EFEMP1: variants seen among roughly 807,000 people sequenced by gnomAD.
EFEMP1 encodes EGF-containing fibulin-like extracellular matrix protein 1.
Under a neutral mutation model 65.7 loss-of-function variants are expected in EFEMP1, and 18 were observed. The ratio of observed to expected loss-of-function variants is 0.27; its 90% CI spans 0.19 to 0.41. The LOEUF (loss-of-function observed/expected upper bound fraction) is 0.41. Among genes scored for constraint, EFEMP1 ranks in the 10% least tolerant of loss-of-function variants. The pLI is 1.00. For synonymous variants in EFEMP1, 237 were observed against 219.7 expected, an observed-to-expected ratio of 1.08 and a Z score of -0.70; for missense variants, 469 against 624.8, an observed-to-expected ratio of 0.75 and a Z score of 2.66.
At chr2:55,892,151 C>T (rs1669649003) in intron 5 of EFEMP1, among the ~76,000 whole-genome samples, 1 of 152,064 alleles carries the variant, frequency 6.6e-6, no homozygotes, top group Non-Finnish European at 1.5e-5. Context: ...AAAGGCTTCT[C>T]AAAGCTAGCA....
chr2:55,869,389 A>AT (rs1354174852), intron 11 of EFEMP1, among the ~76,000 whole-genome samples: 1 of 152,186 alleles, frequency 6.6e-6, no homozygotes, highest in African/African-American at 2.4e-5. Context: ...TTTCTTACAA[A>AT]TATCAAGAAT....
chr2:55,895,825 A>G (rs554028279), intron 5 of EFEMP1, among the ~76,000 whole-genome samples: 47 of 151,990 alleles, frequency 3.1e-4, no homozygotes, highest in South Asian at 1.5e-3. Context: ...ACAGGCGTGA[A>G]CCACCGCGCC....
chr2:55,876,837 C>T (rs1355145060), intron 7 of EFEMP1, 95 bp from the exon 8 acceptor site: 3 of 698,972 alleles, frequency 4.3e-6, no homozygotes, highest in Admixed American at 7.5e-5. Context: ...TCTTTTGTAC[C>T]TACGTCATCT....
chr2:55,911,652 T>G (rs1392621497), intron 5 of EFEMP1, among the ~76,000 whole-genome samples: 1 of 152,240 alleles, frequency 6.6e-6, no homozygotes, highest in East Asian at 1.9e-4. Flanking sequence ...GCATTTCTAA[T>G]AAGTTACCTG....
intron 5 of EFEMP1, among the ~76,000 whole-genome samples, chr2:55,893,731 T>C (rs1049454065): frequency 1.4e-4 from 21 of 152,296 alleles, no homozygotes; most frequent in African/African-American, 4.6e-4. Flanking sequence ...TATATACAGA[T>C]GGAAGGAAGC....
intron 6 of EFEMP1, 26 bp downstream of exon 6, chr2:55,881,586 C>T (rs369775870): frequency 1.7e-5 from 28 of 1,612,548 alleles, no homozygotes; most frequent in Non-Finnish European, 2.2e-5. Context: ...AAGACAGGAC[C>T]GTGCTCACTG....
rs1669397922 is a variant in EFEMP1 at position 55,885,695 on chromosome 2, T to G, written c.518-3961A>C. The stretch of plus-strand genomic sequence containing the variant: ...GTTAGTTGCTTTAAATAACACAGGC[T>G]AATCTTTGCTCAGCTCTTCTAGCCT... On this transcript the variant is annotated intron_variant, in intron 5 of 11. Transcript: ENST00000355426. This position sits in a 1 kb window ranked among gnomAD's most constrained non-coding sequence, Gnocchi z 4.3. 6.6e-6 allele frequency among the ~76,000 whole-genome samples: 1 copy of G among 152,154 alleles called. No homozygotes were observed. Among genetic ancestry groups the G allele is most frequent in the Non-Finnish European group, 1.5e-5 (1 of 68,028 alleles).
chr2:55,900,529 A>G (rs190875050), intron 5 of EFEMP1, among the ~76,000 whole-genome samples: 53 of 152,362 alleles, frequency 3.5e-4, no homozygotes, highest in Admixed American at 1.2e-3. Context: ...ACTGTGCTCC[A>G]TACAGAGCTG....
In EFEMP1 at chr2:55,888,203, A is replaced by T. The variant is rs188398784; in HGVS notation, c.518-6469T>A. Among the ~76,000 whole-genome samples, 208 of 152,330 alleles carry T rather than the reference A, an allele frequency of 1.4e-3. 1 individual carries two copies. Among genetic ancestry groups the T allele is most frequent in the African/African-American group, 4.2e-3 (173 of 41,568 alleles). On this transcript the variant is annotated intron_variant, in intron 5 of 11. Transcript: ENST00000355426. ...CTGTTTTTGCCCACTGGCAACATGA[A>T]GCTTATGCTTTCAGAATCTCAAGGA...
chr2:55,875,126 A>ATTATAT, intron 8 of EFEMP1, 61 bp from the exon 9 acceptor site: 1 of 500,552 alleles, frequency 2.0e-6, no homozygotes, highest in Non-Finnish European at 2.7e-6. Flanking sequence ...ACTACTTTGG[A>ATTATAT]TATATATATA....
chr2:55,870,945 T>C lies in EFEMP1; in HGVS notation c.1125-30A>G. 1 of 1,613,666 alleles carries C rather than the reference T, an allele frequency of 6.2e-7. No individual in the cohort carries two copies. The highest frequency in any genetic ancestry group is 1.7e-4 in the Middle Eastern group (1 of 6,060). On this transcript the variant is annotated intron_variant, in intron 10 of 11. Coordinates refer to ENST00000355426, the MANE Select transcript of EFEMP1 (RefSeq NM_001039348.3). The surrounding 1 kb of genome is among the most constrained non-coding windows in gnomAD (Gnocchi z 5.8). ...AGAGACAAACAAAAGTATTCAGCAG[T>C]TTGGCTTGGTAAGACCAGAAAATCC...
Position 55,881,733 on chromosome 2 carries a change from G to A in EFEMP1, c.519C>T (p.Asp173=). The change falls in exon 6 of 12, where the codon GAC becomes GAT. Residue 173 remains aspartate (D), a splice_region_variant and synonymous_variant. Coordinates refer to ENST00000355426, the MANE Select transcript of EFEMP1 (RefSeq NM_001039348.3). ...YEQSEHNVCQ[D]IDECTAGTHN... is the part of the protein sequence containing the mutation. ...GCGTCCCTGCAGTGCACTCGTCTAT[G>A]TCTGTCAGAGACATGCAACACAGAA... is the stretch of plus-strand genomic sequence containing the variant. The A allele has an allele frequency of 1.9e-6, 3 of 1,613,892 alleles. No homozygotes were observed. The highest frequency in any genetic ancestry group is 2.5e-6 in the Non-Finnish European group (3 of 1,179,854).
chr2:55,905,229 G>T (rs556104076), intron 5 of EFEMP1, among the ~76,000 whole-genome samples: 19 of 152,088 alleles, frequency 1.2e-4, no homozygotes, highest in African/African-American at 4.6e-4. Flanking sequence ...AAGCTATGGA[G>T]AAAATGAAAA....
At chr2:55,875,413 C>G (rs113522671) in intron 8 of EFEMP1, among the ~76,000 whole-genome samples, 3 of 151,232 alleles carry the variant, frequency 2.0e-5, no homozygotes, top group African/African-American at 7.3e-5. Flanking sequence ...AAGTAATACA[C>G]TTTTGAGGTG....
At position 55,866,793 on chromosome 2, in the gene EFEMP1, A is replaced by G. The variant is rs535192173; in HGVS notation, c.*280T>C. On this transcript the variant is annotated 3_prime_UTR_variant, in exon 12 of 12. Coordinates refer to ENST00000355426, the MANE Select transcript of EFEMP1 (RefSeq NM_001039348.3). ...CATCATTGCTTGGTCCCACTTTTAT[A>G]GGAAAGAATCCAAGTTTCACCAGAT... 1 of 368,434 alleles carries G rather than the reference A, an allele frequency of 2.7e-6. No homozygotes were observed. Among genetic ancestry groups the G allele is most frequent in the Admixed American group, 4.0e-5 (1 of 25,160 alleles). 22.8% of individuals were successfully genotyped at this position (368,434 alleles called of 1,614,324 possible).
chr2:55,909,598 C>T (rs1042905452), intron 5 of EFEMP1, among the ~76,000 whole-genome samples: 1 of 152,150 alleles, frequency 6.6e-6, no homozygotes, highest in Non-Finnish European at 1.5e-5. Flanking sequence ...TCAGATTTCC[C>T]AATGTCCCCT....
rs1424185407 is a variant in EFEMP1, at chr2:55,922,079, G to A, written c.81+281C>T. The A allele has an allele frequency of 9.9e-6, 4 of 403,504 alleles. No individual in the cohort carries two copies. The Admixed American group carries it at 1.4e-4, about 14-fold the overall frequency. The allele number at this position is 403,504 out of a possible 1,614,324, so 25.0% of individuals were successfully genotyped here. A position where few individuals can be genotyped will look rare whatever the true frequency, so the allele number is the denominator to read the frequency against. The stretch of plus-strand genomic sequence containing the variant: ...AATTTGTTGAATGTTTTGGAAACAT[G>A]TAACTTTCTTTGGTTTTAGTTTTTG... On this transcript the variant is annotated intron_variant, in intron 3 of 11. Transcript: ENST00000355426. The surrounding 1 kb of genome is among the most constrained non-coding windows in gnomAD (Gnocchi z 5.5).
chr2:55,917,604 C>T lies in EFEMP1; in HGVS notation c.517+61G>A. 1.2e-6 allele frequency: 2 copies of T among 1,608,296 alleles called. No individual in the cohort carries two copies. The highest frequency in any genetic ancestry group is 1.7e-6 in the Non-Finnish European group (2 of 1,175,022). ...AAGTCCTTAATAAATTATCATCATC[C>T]TCACCACGAGGTGCACTTGGGCAAA... On this transcript the variant is annotated intron_variant, in intron 5 of 11. Coordinates refer to ENST00000355426, the MANE Select transcript of EFEMP1 (RefSeq NM_001039348.3). This position sits in a 1 kb window ranked among gnomAD's most constrained non-coding sequence, Gnocchi z 6.3.
intron 3 of EFEMP1, among the ~76,000 whole-genome samples, chr2:55,918,619 A>T (rs1214291675): frequency 6.6e-6 from 1 of 151,368 alleles, no homozygotes; most frequent in East Asian, 1.9e-4. Flanking sequence ...ATGTTAAAAA[A>T]AAAAAAGACC....
Sources: gnomAD v4.1 joint callset for allele counts (sites outside exome capture counted in the v4.1 genomes callset) on GRCh38, gnomAD v4.1.1 for gene constraint, Gnocchi (gnomAD v3.1) non-coding constraint, MANE v1.5 for transcripts, NCBI Gene and HGNC (gene_info 2026-07-23, HGNC 2026-07-21) for gene names.